The following BTAF1 variants were observed in gnomAD, a reference collection of about 807,000 sequenced individuals.
BTAF1 encodes the protein TATA-binding protein-associated factor 172.
A neutral mutation model predicts 227.1 loss-of-function variants in BTAF1; 38 were observed. The observed-to-expected ratio is 0.17, with a 90% CI of 0.13 to 0.22. BTAF1 has a LOEUF of 0.22. Ranked by LOEUF, BTAF1 falls within the 10% of genes least tolerant of loss-of-function variation. The probability of loss-of-function intolerance (pLI) is 1.00; values close to 1 mark genes in which losing one functional copy is unlikely to be tolerated. For synonymous variants in BTAF1, 742 were observed against 751.9 expected, an observed-to-expected ratio of 0.99 and a Z score of 0.21; for missense variants, 1,598 against 2,204.0, an observed-to-expected ratio of 0.73 and a Z score of 5.51.
chr10:91,996,743 G>A (rs537712502), intron 24 of BTAF1, among the ~76,000 whole-genome samples, 173 bp downstream of exon 24: 3 of 152,094 alleles, frequency 2.0e-5, no homozygotes, highest in Admixed American at 1.3e-4. Context: ...TTACAAATGT[G>A]TTACAAACTG....
At chr10:91,985,023 C>CT (rs1848311276) in intron 19 of BTAF1, among the ~76,000 whole-genome samples, 1 of 151,760 alleles carries the variant, frequency 6.6e-6, no homozygotes. Flanking sequence ...AATTTATGTG[C>CT]TAAAGCACAC....
intron 25 of BTAF1, among the ~76,000 whole-genome samples, chr10:91,999,633 TCCTCCCGCCTTGG>T (rs1318486900): frequency 3.9e-5 from 6 of 152,194 alleles, no homozygotes; most frequent in African/African-American, 1.4e-4. Flanking sequence ...CCTCAGGTGA[TCCTCCCGCCTTGG>T]CCTCCCAAAG....
chr10:91,941,216 T>C (rs1266649235), intron 3 of BTAF1, among the ~76,000 whole-genome samples: 2 of 152,220 alleles, frequency 1.3e-5, no homozygotes, highest in African/African-American at 4.8e-5. Flanking sequence ...GTTTGGTATG[T>C]AAAGATGGTA....
At chr10:91,994,341 A>T (rs1371027245) in intron 22 of BTAF1, among the ~76,000 whole-genome samples, 194 bp from the exon 23 acceptor site, 1 of 152,046 alleles carries the variant, frequency 6.6e-6, no homozygotes, top group African/African-American at 2.4e-5. Flanking sequence ...CTTGAAATGG[A>T]TCACTATGTT....
intron 37 of BTAF1, 130 bp downstream of exon 37, chr10:92,027,430 T>C: frequency 1.2e-6 from 1 of 802,876 alleles, no homozygotes; most frequent in African/African-American, 1.7e-5. Context: ...GAGGGAATTT[T>C]TGGTGCCTAG....
intron 5 of BTAF1, among the ~76,000 whole-genome samples, chr10:91,952,373 C>T (rs1845828647): frequency 6.6e-6 from 1 of 152,086 alleles, no homozygotes; most frequent in South Asian, 2.1e-4. Flanking sequence ...TGCTTCTTAA[C>T]TTTTTTTATG....
rs144490662 is a variant in BTAF1 at position 91,935,699 on chromosome 10, T to A, written c.57T>A (p.Pro19=). 6.4e-5 allele frequency: 103 copies of A among 1,613,756 alleles called. No individual in the cohort carries two copies. In the African/African-American group the frequency reaches 1.2e-3, roughly 19 times the overall value. The change falls in exon 2 of 38, where the codon CCT becomes CCA. Residue 19 remains proline (P), a synonymous_variant. Transcript: ENST00000265990. Reference sequence around the variant, plus strand: ...TTTTACTGGATACTGGCACTACTCCTGTTACAAGAAAAGCTGCTGCACAGC... The same window carrying A: ...TTTTACTGGATACTGGCACTACTCCAGTTACAAGAAAAGCTGCTGCACAGC... ...LFILLDTGTT[P]VTRKAAAQQL... is the part of the protein sequence containing the mutation.
chr10:92,005,829 A>G (rs1309663069), intron 25 of BTAF1, among the ~76,000 whole-genome samples: 2 of 151,396 alleles, frequency 1.3e-5, no homozygotes, highest in East Asian at 1.9e-4. Flanking sequence ...GCATTATACT[A>G]TTGCAGATCT....
Position 92,011,315 on chromosome 10 carries a change from A to T in BTAF1, c.4211A>T (p.Asp1404Val). The T allele has an allele frequency of 6.7e-7, 1 of 1,501,478 alleles. No individual in the cohort carries two copies. The highest frequency in any genetic ancestry group is 8.9e-7 in the Non-Finnish European group (1 of 1,126,150). 93.0% of individuals were successfully genotyped at this position (1,501,478 alleles called of 1,614,324 possible). ...ATTAAATTTAACTACTGCATTCTTG[A>T]TGAAGGCCATGTCATCAAAAATGGA... is the stretch of plus-strand genomic sequence containing the variant. ...RNIKFNYCIL[D>V]EGHVIKNGKT... is the part of the protein sequence containing the mutation. The change falls in exon 30 of 38, where the codon GAT (aspartate) becomes GTT (valine). Residue 1404 changes from aspartate (D) to valine (V), a missense_variant. Transcript: ENST00000265990.
At chr10:91,981,561 A>C in intron 15 of BTAF1, 82 bp from the exon 16 acceptor site, 1 of 1,378,208 alleles carries the variant, frequency 7.3e-7, no homozygotes, top group Non-Finnish European at 9.6e-7. Context: ...ACTTAAAAAA[A>C]CCTCAGTATT....
intron 2 of BTAF1, among the ~76,000 whole-genome samples, chr10:91,938,272 AG>A (rs1047782148): frequency 1.3e-5 from 2 of 152,190 alleles, no homozygotes; most frequent in African/African-American, 2.4e-5. Context: ...CTCTTCTATG[AG>A]CTGTCTTTTT....
At chr10:91,976,242 A>G (rs190376557) in intron 14 of BTAF1, among the ~76,000 whole-genome samples, 1 of 152,338 alleles carries the variant, frequency 6.6e-6, no homozygotes, top group Admixed American at 6.5e-5. Context: ...GGGATGAGGT[A>G]CGTGGAGCTT....
chr10:91,959,890 A>G lies in BTAF1; in HGVS notation c.1086+10A>G, dbSNP rs753572513. The G allele has an allele frequency of 1.5e-4, 248 of 1,604,464 alleles. No individual in the cohort carries two copies. The highest frequency in any genetic ancestry group is 2.0e-4 in the Non-Finnish European group (240 of 1,177,212). Reference sequence around the variant, plus strand: ...CTTTGTTTCTGATGAAGTAAGTATCATTTAAGGGAGGCTTTGCCCAATCAA... The same window carrying G: ...CTTTGTTTCTGATGAAGTAAGTATCGTTTAAGGGAGGCTTTGCCCAATCAA... On this transcript the variant is annotated intron_variant, in intron 10 of 37. Coordinates refer to ENST00000265990, the MANE Select transcript of BTAF1 (RefSeq NM_003972.3).
chr10:92,013,284 T>C (rs938750275), intron 30 of BTAF1, among the ~76,000 whole-genome samples: 4 of 152,026 alleles, frequency 2.6e-5, no homozygotes, highest in Non-Finnish European at 2.9e-5. Context: ...TTCTAATAGG[T>C]TGTTGTTGTT....
intron 19 of BTAF1, among the ~76,000 whole-genome samples, chr10:91,988,189 TTATTTA>T (rs1243470112): frequency 3.3e-5 from 5 of 152,236 alleles, no homozygotes; most frequent in Admixed American, 6.5e-5. Context: ...ATTTTCTTAA[TTATTTA>T]TATCTCTCCC....
At chr10:92,003,155 C>CTAA (rs1849662267) in intron 25 of BTAF1, among the ~76,000 whole-genome samples, 1 of 141,408 alleles carries the variant, frequency 7.1e-6, no homozygotes, top group Non-Finnish European at 1.5e-5. Flanking sequence ...GACTCCGTCT[C>CTAA]AAAAAAAAAA....
At chr10:92,005,980 C>T (rs1354585542) in intron 25 of BTAF1, among the ~76,000 whole-genome samples, 2 of 151,934 alleles carry the variant, frequency 1.3e-5, no homozygotes, top group Non-Finnish European at 2.9e-5. Context: ...CTCAAGCGAT[C>T]CTCCTGCCTT....
intron 30 of BTAF1, 70 bp from the exon 31 acceptor site, chr10:92,013,597 A>C (rs1850514433): frequency 6.3e-7 from 1 of 1,583,724 alleles, no homozygotes; most frequent in Admixed American, 1.7e-5. Flanking sequence ...ATGGGCTTTC[A>C]TTAATGTTAC....
intron 8 of BTAF1, among the ~76,000 whole-genome samples, chr10:91,958,029 A>G (rs1430143141): frequency 6.6e-6 from 1 of 151,998 alleles, no homozygotes; most frequent in Non-Finnish European, 1.5e-5. Flanking sequence ...TATCATTGGT[A>G]GCTTTGGAGC....
Sources: gnomAD v4.1 joint callset for allele counts (sites outside exome capture counted in the v4.1 genomes callset) on GRCh38, gnomAD v4.1.1 for gene constraint, MANE v1.5 for transcripts, NCBI Gene and HGNC (gene_info 2026-07-23, HGNC 2026-07-21) for gene names.